ATL1: variants seen among roughly 807,000 people sequenced by gnomAD.
ATL1 encodes atlastin GTPase 1, also known as atlastin-1.
In ATL1, 31 loss-of-function variants were observed where a neutral mutation model predicts 75.5. That is an observed-to-expected ratio of 0.41 (90% CI 0.31 to 0.55). ATL1 has a LOEUF of 0.55. Among genes scored for constraint, ATL1 ranks in the 20% least tolerant of loss-of-function variants. ATL1 has a pLI of 0.27. For synonymous variants in ATL1, 226 were observed against 233.3 expected (o/e 0.97, Z 0.28); for missense variants, 405 against 662.6 (o/e 0.61, Z 4.27).
intron 1 of ATL1, chr14:50,572,216 T>C (rs760159778): frequency 3.6e-6 from 1 of 274,082 alleles, no homozygotes; most frequent in Non-Finnish European, 6.9e-6. Flanking sequence ...GATATCAAGG[T>C]ATCAAGGTTA....
intron 1 of ATL1, among the ~76,000 whole-genome samples, chr14:50,575,135 T>G (rs557057659): frequency 2.4e-4 from 36 of 151,536 alleles, no homozygotes; most frequent in African/African-American, 8.0e-4. Context: ...ATTTCTATTT[T>G]TATTAGTGAC....
At chr14:50,592,772 A>G (rs1845417) in intron 4 of ATL1, among the ~76,000 whole-genome samples, 44,103 of 150,452 alleles carry the variant, frequency 0.29, 9,151 homozygotes, top group African/African-American at 0.6. Context: ...TTAGCCGGGC[A>G]TGGTGGCAGG....
chr14:50,596,027 T>C (rs754201649), intron 6 of ATL1, among the ~76,000 whole-genome samples: 53 of 152,282 alleles, frequency 3.5e-4, no homozygotes, highest in Admixed American at 9.2e-4. Context: ...AATGTGTTCA[T>C]TTGAAAATAA....
chr14:50,588,828 CAG>C (rs1452421249), intron 2 of ATL1, among the ~76,000 whole-genome samples: 8 of 152,226 alleles, frequency 5.3e-5, no homozygotes, highest in African/African-American at 1.7e-4. Flanking sequence ...ATCATTGACT[CAG>C]AGTGAATGTT....
chr14:50,553,265 C>T lies in ATL1; in HGVS notation c.-139-6862C>T, dbSNP rs1223271003. 7.9e-5 allele frequency among the ~76,000 whole-genome samples: 11 copies of T among 138,836 alleles called. No homozygotes were observed. The South Asian group carries it at 1.4e-3, about 18-fold the overall frequency. The allele number at this position is 138,836 out of a possible 152,430, so 91.1% of individuals were successfully genotyped here. Reference sequence around the variant, plus strand: ...CAGCCTGGGTGACAAAGCAAGACTCCGTTTCAAAAAAAAAAAAAAAGTGGG... The same window carrying T: ...CAGCCTGGGTGACAAAGCAAGACTCTGTTTCAAAAAAAAAAAAAAAGTGGG... On this transcript the variant is annotated intron_variant, in intron 1 of 13. Coordinates refer to the ATL1 transcript ENST00000441560.
rs111663200 is a variant in ATL1, at chr14:50,613,209, A to G, written c.631-50A>G. On this transcript the variant is annotated intron_variant, in intron 6 of 13. Coordinates refer to ENST00000358385, the MANE Select transcript of ATL1 (RefSeq NM_015915.5). ...TATAACTGGTTTCCATATAAAGCAA[A>G]GGGAGGCACCTTAAAGTCCTCATAT... 63 of 1,345,010 alleles carry G rather than the reference A, an allele frequency of 4.7e-5. 1 individual carries two copies. In the African/African-American group the frequency reaches 5.3e-4, roughly 11 times the overall value. 83.3% of individuals were successfully genotyped at this position (1,345,010 alleles called of 1,614,324 possible). A position where few individuals can be genotyped will look rare whatever the true frequency, so the allele number is the denominator to read the frequency against.
intron 1 of ATL1, among the ~76,000 whole-genome samples, chr14:50,551,009 GA>G (rs996764781): frequency 1.3e-5 from 2 of 149,010 alleles, no homozygotes; most frequent in Non-Finnish European, 3.0e-5. Flanking sequence ...AAACCCAGCA[GA>G]AAAAAAAATT....
intron 11 of ATL1, among the ~76,000 whole-genome samples, chr14:50,625,632 G>C (rs937985739): frequency 1.3e-5 from 2 of 152,128 alleles, no homozygotes; most frequent in Non-Finnish European, 2.9e-5. Context: ...TAAGAATCAT[G>C]CTAGGCCGGG....
chr14:50,573,597 T>A (rs887414243), intron 1 of ATL1, among the ~76,000 whole-genome samples: 6 of 152,114 alleles, frequency 3.9e-5, no homozygotes, highest in African/African-American at 1.5e-4. Context: ...AAGCATTTCA[T>A]GTTTCCTGAT....
intron 4 of ATL1, among the ~76,000 whole-genome samples, chr14:50,592,633 C>T (rs1353042499): frequency 6.6e-6 from 1 of 151,732 alleles, no homozygotes; most frequent in East Asian, 1.9e-4. Context: ...ATATATTGGC[C>T]AGGCACGGTG....
chr14:50,564,505 C>T (rs1348091530), intron 1 of ATL1, among the ~76,000 whole-genome samples: 1 of 151,262 alleles, frequency 6.6e-6, no homozygotes, highest in Non-Finnish European at 1.5e-5. Context: ...AAAAATTAGC[C>T]GGGTATGGTG....
intron 13 of ATL1, among the ~76,000 whole-genome samples, 193 bp downstream of exon 13, chr14:50,630,202 ATGATT>A (rs1343994102): frequency 6.7e-6 from 1 of 149,264 alleles, no homozygotes; most frequent in African/African-American, 2.5e-5. Context: ...GACATCATGT[ATGATT>A]TGATCTACAC....
intron 1 of ATL1, among the ~76,000 whole-genome samples, chr14:50,565,528 A>G (rs566360420): frequency 6.2e-4 from 94 of 151,382 alleles, no homozygotes; most frequent in Non-Finnish European, 1.2e-3. Context: ...ACTGTATGAT[A>G]TGTACTATAT....
chr14:50,540,656 AG>A (rs1160952076), intron 1 of ATL1, among the ~76,000 whole-genome samples: 8 of 152,190 alleles, frequency 5.3e-5, no homozygotes, highest in South Asian at 2.1e-4. Context: ...ATTAAAGTAG[AG>A]ATTTAAGAAA....
At position 50,628,002 on chromosome 14, in the gene ATL1, A is replaced by G. The variant is rs369329842; in HGVS notation, c.1120-29A>G. ...AGTTGCCAATTTTACTCTGCATTGC[A>G]TAAACAAATACTTCTCTATCTGATA... is the stretch of plus-strand genomic sequence containing the variant. On this transcript the variant is annotated intron_variant, in intron 11 of 13. Transcript: ENST00000358385. The G allele has an allele frequency of 6.2e-6, 10 of 1,613,250 alleles. No individual in the cohort carries two copies. In the African/African-American group the frequency reaches 1.1e-4, roughly 17 times the overall value.
At chr14:50,576,647 A>T (rs1818052451) in intron 1 of ATL1, among the ~76,000 whole-genome samples, 1 of 152,196 alleles carries the variant, frequency 6.6e-6, no homozygotes, top group Non-Finnish European at 1.5e-5. Context: ...ATGATCATAG[A>T]TCACTGTAAT....
chr14:50,577,192 G>A (rs1388833875), intron 1 of ATL1, among the ~76,000 whole-genome samples: 1 of 151,428 alleles, frequency 6.6e-6, no homozygotes, highest in Non-Finnish European at 1.5e-5. Flanking sequence ...CCTGCCGAGT[G>A]GCTGGGACTA....
In ATL1 at chr14:50,550,473, T is replaced by C. The variant is rs561053268; in HGVS notation, c.-139-9654T>C. ...CAGTCCTATTGTGGGGTATGTGGAT[T>C]CCTCCCCTTGTTAAGTTGCAATGGT... On this transcript the variant is annotated intron_variant, in intron 1 of 13. Transcript: ENST00000441560. 2.0e-5 allele frequency among the ~76,000 whole-genome samples: 3 copies of C among 152,292 alleles called. No individual in the cohort carries two copies. The South Asian group carries it at 6.2e-4, about 32-fold the overall frequency.
At chr14:50,551,009 G>GA (rs996764781) in intron 1 of ATL1, among the ~76,000 whole-genome samples, 7 of 149,008 alleles carry the variant, frequency 4.7e-5, no homozygotes, top group South Asian at 2.1e-4. Flanking sequence ...AAACCCAGCA[G>GA]AAAAAAAAAT....
Sources: allele counts gnomAD v4.1 joint callset (sites outside exome capture counted in the v4.1 genomes callset), GRCh38; gene constraint gnomAD v4.1.1; transcripts MANE v1.5; gene names NCBI Gene and HGNC (gene_info 2026-07-23, HGNC 2026-07-21).